ARHGEF10: variants seen among roughly 807,000 people sequenced by gnomAD.
ARHGEF10 encodes the protein Rho guanine nucleotide exchange factor 10.
In ARHGEF10, 140 loss-of-function variants were observed where a neutral mutation model predicts 147.4. The observed-to-expected ratio is 0.95, with a 90% CI of 0.83 to 1.09. The LOEUF (loss-of-function observed/expected upper bound fraction) is 1.09. Ranked by LOEUF, ARHGEF10 falls within the 50% of genes least tolerant of loss-of-function variation. The probability of loss-of-function intolerance (pLI) is 0.00; values close to 1 mark genes in which losing one functional copy is unlikely to be tolerated. For missense variants in ARHGEF10, 2,222 were observed against 1,752.7 expected (o/e 1.27, Z -4.78); for synonymous variants, 902 against 695.8 (o/e 1.30, Z -4.67).
At chr8:1,913,626 C>T (rs926678138) in intron 18 of ARHGEF10, among the ~76,000 whole-genome samples, 3 of 152,200 alleles carry the variant, frequency 2.0e-5, no homozygotes, top group African/African-American at 7.2e-5. Flanking sequence ...GCGTCCCGTC[C>T]CTGCACTGGC....
intron 10 of ARHGEF10, 48 bp from the exon 11 acceptor site, chr8:1,885,553 A>C: frequency 7.5e-7 from 1 of 1,328,498 alleles, no homozygotes; most frequent in Non-Finnish European, 1.1e-6. Context: ...AGTGTTGTGA[A>C]TATATTATTT....
intron 21 of ARHGEF10, among the ~76,000 whole-genome samples, chr8:1,924,479 G>T (rs1031055738): frequency 6.6e-6 from 1 of 152,224 alleles, no homozygotes; most frequent in Non-Finnish European, 1.5e-5. Context: ...TGTCATGTGT[G>T]TGTAAAATTT....
intron 4 of ARHGEF10, among the ~76,000 whole-genome samples, chr8:1,860,957 C>T (rs959241647): frequency 1.3e-5 from 2 of 152,188 alleles, no homozygotes; most frequent in African/African-American, 4.8e-5. Flanking sequence ...GGGAAGATGC[C>T]GCAGGATCTC....
intron 10 of ARHGEF10, among the ~76,000 whole-genome samples, chr8:1,884,680 C>G (rs1001582700): frequency 6.6e-6 from 1 of 152,206 alleles, no homozygotes; most frequent in Non-Finnish European, 1.5e-5. Flanking sequence ...TTTCTATCAT[C>G]TAAAAGTGCC....
At chr8:1,868,781 T>C (rs1047538599) in intron 6 of ARHGEF10, among the ~76,000 whole-genome samples, 1 of 152,232 alleles carries the variant, frequency 6.6e-6, no homozygotes, top group Non-Finnish European at 1.5e-5. Context: ...GTTGTATTTT[T>C]TTGTGCGTCA....
intron 15 of ARHGEF10, among the ~76,000 whole-genome samples, chr8:1,900,715 C>G (rs1029582271): frequency 6.6e-6 from 1 of 152,188 alleles, no homozygotes; most frequent in Admixed American, 6.5e-5. Context: ...ACTCAGAATT[C>G]CAGTTATGTA....
intron 2 of ARHGEF10, among the ~76,000 whole-genome samples, chr8:1,852,195 C>T (rs1037473786): frequency 1.3e-4 from 19 of 151,318 alleles, no homozygotes; most frequent in African/African-American, 2.9e-4. Context: ...AGCTGTCCTG[C>T]GGGCCCTCTA....
chr8:1,832,826 AGGCAGAGG>A (rs1803266508), intron 1 of ARHGEF10, among the ~76,000 whole-genome samples: 2 of 116,188 alleles, frequency 1.7e-5, no homozygotes, highest in Non-Finnish European at 1.8e-5. Flanking sequence ...GCAGAGAGAG[AGGCAGAGG>A]CAGAGACAGA....
At chr8:1,893,493 C>G (rs956134227) in intron 11 of ARHGEF10, 76 bp from the exon 12 acceptor site, 1 of 980,736 alleles carries the variant, frequency 1.0e-6, no homozygotes. Context: ...ATCAGCAAGC[C>G]TCAGCATAGA....
chr8:1,861,367 G>A (rs1048091141), intron 4 of ARHGEF10, among the ~76,000 whole-genome samples: 18 of 152,372 alleles, frequency 1.2e-4, no homozygotes, highest in African/African-American at 4.3e-4. Context: ...CGGCCCTGCT[G>A]TAGGGCCAGG....
intron 1 of ARHGEF10, among the ~76,000 whole-genome samples, chr8:1,842,462 G>C (rs1021290256): frequency 6.6e-6 from 1 of 152,186 alleles, no homozygotes; most frequent in Non-Finnish European, 1.5e-5. Flanking sequence ...ACGTGAGGCC[G>C]GTGACCACCC....
intron 26 of ARHGEF10, among the ~76,000 whole-genome samples, chr8:1,934,515 C>G (rs1001037246): frequency 5.9e-5 from 9 of 152,162 alleles, no homozygotes; most frequent in East Asian, 1.9e-4. Flanking sequence ...GAAATGTGTT[C>G]AGTATGAACC....
intron 25 of ARHGEF10, among the ~76,000 whole-genome samples, chr8:1,932,310 C>T (rs893124494): frequency 3.9e-5 from 6 of 152,182 alleles, no homozygotes; most frequent in African/African-American, 9.7e-5. Flanking sequence ...CATGTATGCA[C>T]ATGTGTGTAT....
At position 1,841,823 on chromosome 8, in the gene ARHGEF10, AACTGGGGCCGCGACGGGAACTGG is replaced by A. The variant is rs1563161256; in HGVS notation, c.-47-1529_-47-1507del. On this transcript the variant is annotated intron_variant, in intron 1 of 28. Transcript: ENST00000349830. ...ACCTAGGAACTGGGGCCGCGGCGGGAACTGGGGCCGCGACGGGAACTGGGGCCGCGGCGGGAACTGGGGCCGCG... is the reference window on the plus strand; with the variant it reads ...ACCTAGGAACTGGGGCCGCGGCGGGAGGCCGCGGCGGGAACTGGGGCCGCG... Among the ~76,000 whole-genome samples, 592 of 100,266 alleles carry A rather than the reference AACTGGGGCCGCGACGGGAACTGG, an allele frequency of 5.9e-3. 67 individuals are homozygous for A. Among genetic ancestry groups the A allele is most frequent in the African/African-American group, 0.019 (570 of 30,416 alleles). 65.8% of individuals were successfully genotyped at this position (100,266 alleles called of 152,430 possible).
chr8:1,848,980 C>T lies in ARHGEF10; in HGVS notation c.37+5544C>T, dbSNP rs1006002365. Among the ~76,000 whole-genome samples, 5 of 152,022 alleles carry T rather than the reference C, an allele frequency of 3.3e-5. No individual in the cohort carries two copies. The East Asian group carries it at 5.8e-4, about 18-fold the overall frequency. ...TAAGATATAATTCATATCTTAGTAC[C>T]GTTTACCTATTTAACTTGTAAAGCT... On this transcript the variant is annotated intron_variant, in intron 2 of 28. Coordinates refer to ENST00000349830, the MANE Select transcript of ARHGEF10 (RefSeq NM_014629.4).
At chr8:1,872,176 G>A (rs1035960390) in intron 7 of ARHGEF10, among the ~76,000 whole-genome samples, 1 of 152,146 alleles carries the variant, frequency 6.6e-6, no homozygotes, top group African/African-American at 2.4e-5. Flanking sequence ...TTATCAAAAA[G>A]TTAGATGAAA....
intron 2 of ARHGEF10, among the ~76,000 whole-genome samples, chr8:1,849,192 A>G (rs1461326853): frequency 1.3e-5 from 2 of 152,410 alleles, no homozygotes; most frequent in Middle Eastern, 3.4e-3. Flanking sequence ...TAGAATAGCC[A>G]AAATCCAGAA....
intron 3 of ARHGEF10, among the ~76,000 whole-genome samples, chr8:1,859,130 G>A (rs76754633): frequency 2.2e-4 from 30 of 138,220 alleles, no homozygotes; most frequent in East Asian, 4.4e-4. Context: ...TTCTTTGTGC[G>A]CAGCACGCGC....
intron 11 of ARHGEF10, among the ~76,000 whole-genome samples, chr8:1,889,863 T>TTCATGG (rs1443218357): frequency 7.1e-4 from 98 of 137,636 alleles, no homozygotes; most frequent in African/African-American, 2.6e-3. Flanking sequence ...GAGGAGACAC[T>TTCATGG]GAGTGTGGTG....
Sources: allele counts gnomAD v4.1 joint callset (sites outside exome capture counted in the v4.1 genomes callset), GRCh38; gene constraint gnomAD v4.1.1; transcripts MANE v1.5; gene names NCBI Gene and HGNC (gene_info 2026-07-23, HGNC 2026-07-21).